Variants in AGAP3 observed in about 807,000 individuals in gnomAD.
AGAP3 encodes ArfGAP with GTPase domain, ankyrin repeat and PH domain 3.
AGAP3 carries 24 observed loss-of-function variants against 96.9 expected under a neutral mutation model. That is an observed-to-expected ratio of 0.25 (90% confidence interval 0.18 to 0.35). AGAP3 has a LOEUF of 0.35. AGAP3 is among the 10% of genes least tolerant of loss of function. AGAP3 has a pLI of 1.00. For synonymous variants in AGAP3, 563 were observed against 536.1 expected (o/e 1.05, Z -0.69); for missense variants, 876 against 1,254.2 (o/e 0.70, Z 4.55).
chr7:151,113,634 T>C (rs1356882016), intron 1 of AGAP3, among the ~76,000 whole-genome samples: 1 of 152,246 alleles, frequency 6.6e-6, no homozygotes, highest in Non-Finnish European at 1.5e-5. Context: ...CCCTGGTCCC[T>C]TGCCACTACT....
chr7:151,136,554 C>T (rs1289171009), intron 11 of AGAP3: 1 of 152,248 alleles, frequency 6.6e-6, no homozygotes, highest in Admixed American at 6.5e-5. Flanking sequence ...GCAGAATTAT[C>T]CTCCGAGGAC....
chr7:151,136,218 C>G (rs980117386), intron 11 of AGAP3: 3 of 152,252 alleles, frequency 2.0e-5, no homozygotes, highest in Non-Finnish European at 4.4e-5. Context: ...AGTCCCTTTC[C>G]TTGACAGCAG....
At chr7:151,123,710 G>C (rs1461079855) in intron 8 of AGAP3, 84 bp from the exon 9 acceptor site, 1 of 1,588,620 alleles carries the variant, frequency 6.3e-7, no homozygotes, top group Non-Finnish European at 8.6e-7. Context: ...GAGGAGGGAG[G>C]CAGGAGGGAG....
intron 9 of AGAP3, among the ~76,000 whole-genome samples, chr7:151,127,306 T>C (rs1445587332): frequency 6.6e-6 from 1 of 152,158 alleles, no homozygotes; most frequent in Admixed American, 6.5e-5. Context: ...GGCGGGGCCC[T>C]CCATTCCTAA....
At chr7:151,115,514 C>T (rs1799525581) in intron 1 of AGAP3, 4 of 1,034,472 alleles carry the variant, frequency 3.9e-6, no homozygotes, top group South Asian at 4.4e-5. Flanking sequence ...AGCCCGGCCG[C>T]CCCCGCACCG....
intron 8 of AGAP3, among the ~76,000 whole-genome samples, chr7:151,121,702 T>G (rs1197000966): frequency 6.6e-6 from 1 of 152,188 alleles, no homozygotes; most frequent in African/African-American, 2.4e-5. Context: ...CCTCTGGCGC[T>G]TCCATTCTCT....
intron 1 of AGAP3, among the ~76,000 whole-genome samples, chr7:151,111,145 T>TC (rs1432984321): frequency 2.0e-5 from 3 of 152,144 alleles, no homozygotes; most frequent in African/African-American, 7.2e-5. Flanking sequence ...CCTCCCGGGC[T>TC]CAGTGGCGGG....
intron 12 of AGAP3, 94 bp downstream of exon 12, chr7:151,138,407 G>A: frequency 7.2e-7 from 1 of 1,395,642 alleles, no homozygotes; most frequent in South Asian, 1.4e-5. Flanking sequence ...GGAGGCTGCA[G>A]TGGGACAGTG....
intron 1 of AGAP3, among the ~76,000 whole-genome samples, chr7:151,104,216 G>GT (rs1798948273): frequency 1.3e-5 from 2 of 152,182 alleles, no homozygotes; most frequent in Non-Finnish European, 2.9e-5. Flanking sequence ...CAATCTTTCT[G>GT]TAAGTATTAG....
At chr7:151,092,704 C>G (rs10279252) in intron 1 of AGAP3, among the ~76,000 whole-genome samples, 16,125 of 152,092 alleles carry the variant, frequency 0.11, 1,717 homozygotes, top group African/African-American at 0.26. Context: ...GTGAGACAGC[C>G]TAGGACCTAG....
intron 1 of AGAP3, chr7:151,115,365 G>T: frequency 2.0e-6 from 2 of 1,023,342 alleles, no homozygotes; most frequent in South Asian, 8.9e-5. Flanking sequence ...CCGCGGCCAG[G>T]AGGTGCGGCG....
chr7:151,120,810 G>A, intron 8 of AGAP3: 2 of 1,172,172 alleles, frequency 1.7e-6, no homozygotes. Flanking sequence ...CACACCTGGG[G>A]GCTGTTGTGC....
chr7:151,123,371 C>G (rs1257450260), intron 8 of AGAP3: 1 of 1,052,930 alleles, frequency 9.5e-7, no homozygotes, highest in Admixed American at 5.0e-5. Context: ...GCGCTCGGTG[C>G]CACGTGCCGT....
At chr7:151,102,699 T>C (rs1223816419) in intron 1 of AGAP3, among the ~76,000 whole-genome samples, 1 of 151,846 alleles carries the variant, frequency 6.6e-6, no homozygotes, top group African/African-American at 2.4e-5. Context: ...CACTGCAACC[T>C]CTGCATCCCA....
chr7:151,118,106 C>T lies in AGAP3; in HGVS notation c.707-104C>T. 3 of 1,448,514 alleles carry T rather than the reference C, an allele frequency of 2.1e-6. No homozygotes were observed. The highest frequency in any genetic ancestry group is 1.8e-4 in the Middle Eastern group (1 of 5,478). The allele number at this position is 1,448,514 out of a possible 1,614,324, so 89.7% of individuals were successfully genotyped here. A position where few individuals can be genotyped will look rare whatever the true frequency, so the allele number is the denominator to read the frequency against. On this transcript the variant is annotated intron_variant, in intron 5 of 17. Transcript: ENST00000397238. This position sits in a 1 kb window ranked among gnomAD's most constrained non-coding sequence, Gnocchi z 6.1. Reference sequence around the variant, plus strand: ...CGTTCTTGGTGCTCTGTGTGTTCCACTCACCAGGCCCTTTGCACACCTGCC... The same window carrying T: ...CGTTCTTGGTGCTCTGTGTGTTCCATTCACCAGGCCCTTTGCACACCTGCC...
Position 151,114,879 on chromosome 7 carries a change from G to C in AGAP3, c.332-1914G>C. On this transcript the variant is annotated intron_variant, in intron 1 of 17. Coordinates refer to ENST00000397238, the MANE Select transcript of AGAP3 (RefSeq NM_031946.7). This position sits in a 1 kb window ranked among gnomAD's most constrained non-coding sequence, Gnocchi z 4.4. ...GCTGGACCTGCACGGCGCCTCGGCC[G>C]GCCGCGCTGCCGCCGCCCTGCAGGC... 1 of 1,010,060 alleles carries C rather than the reference G, an allele frequency of 9.9e-7. No individual in the cohort carries two copies. 62.6% of individuals were successfully genotyped at this position (1,010,060 alleles called of 1,614,324 possible).
At chr7:151,102,824 C>T (rs1798888707) in intron 1 of AGAP3, among the ~76,000 whole-genome samples, 1 of 152,098 alleles carries the variant, frequency 6.6e-6, no homozygotes. Flanking sequence ...CCATGTTGCC[C>T]AGGCTGGTCT....
At position 151,141,803 on chromosome 7, in the gene AGAP3, A is replaced by T; in HGVS notation, c.1805-95A>T. 1 of 1,530,046 alleles carries T rather than the reference A, an allele frequency of 6.5e-7. No individual in the cohort carries two copies. The highest frequency in any genetic ancestry group is 9.0e-7 in the Non-Finnish European group (1 of 1,106,810). 94.8% of individuals were successfully genotyped at this position (1,530,046 alleles called of 1,614,324 possible). Reference sequence around the variant, plus strand: ...AAGGGTCTAGGGGAGGACACTTGCCAGTGGAGCAGGGTAGTGAGTGGAGTT... The same window carrying T: ...AAGGGTCTAGGGGAGGACACTTGCCTGTGGAGCAGGGTAGTGAGTGGAGTT... On this transcript the variant is annotated intron_variant, in intron 13 of 17. Coordinates refer to ENST00000397238, the MANE Select transcript of AGAP3 (RefSeq NM_031946.7). This position sits in a 1 kb window ranked among gnomAD's most constrained non-coding sequence, Gnocchi z 4.2.
intron 8 of AGAP3, 47 bp downstream of exon 8, chr7:151,120,192 G>C: frequency 6.5e-7 from 1 of 1,541,150 alleles, no homozygotes; most frequent in Non-Finnish European, 8.8e-7. Flanking sequence ...TGCTGCACAG[G>C]CAGGGCTGAG....
Sources: allele counts gnomAD v4.1 joint callset (sites outside exome capture counted in the v4.1 genomes callset), GRCh38; gene constraint gnomAD v4.1.1; non-coding constraint Gnocchi (gnomAD v3.1); transcripts MANE v1.5; gene names NCBI Gene and HGNC (gene_info 2026-07-23, HGNC 2026-07-21).